Variants in NEMP2 observed in about 807,000 individuals in gnomAD.
NEMP2 encodes the protein UPF0571 transmembrane protein.
Under a neutral mutation model 54.2 loss-of-function variants are expected in NEMP2, and 53 were observed. That is an observed-to-expected ratio of 0.98 (90% confidence interval 0.78 to 1.23). NEMP2 has a LOEUF of 1.23. Among genes scored for constraint, NEMP2 ranks in the 50% most tolerant of loss-of-function variants. NEMP2 has a pLI of 0.00. For missense variants in NEMP2, 455 were observed against 511.3 expected, an observed-to-expected ratio of 0.89 and a Z score of 1.06; for synonymous variants, 197 against 190.3, an observed-to-expected ratio of 1.04 and a Z score of -0.29.
chr2:190,647,724 T>TTC, the NEMP2 span, among the ~76,000 whole-genome samples: 2 of 146,228 alleles, frequency 1.4e-5, no homozygotes, highest in African/African-American at 2.5e-5. Context: ...TTTTTTTTTT[T>TTC]TTTTTTTGAG....
At chr2:190,453,313 T>C in the NEMP2 span, among the ~76,000 whole-genome samples, 1 of 152,002 alleles carries the variant, frequency 6.6e-6, no homozygotes, top group African/African-American at 2.4e-5. Flanking sequence ...AAGAGGATCC[T>C]GGAGTTTGGA....
At chr2:190,617,343 T>C in the NEMP2 span, among the ~76,000 whole-genome samples, 1 of 152,120 alleles carries the variant, frequency 6.6e-6, no homozygotes, top group African/African-American at 2.4e-5. The surrounding 1 kb of genome is among the most constrained non-coding windows in gnomAD (Gnocchi z 5.0). Context: ...CTGAGAAGTA[T>C]TCTTGAAAAG....
At chr2:190,430,513 G>C in the NEMP2 span, among the ~76,000 whole-genome samples, 2 of 151,950 alleles carry the variant, frequency 1.3e-5, no homozygotes, top group East Asian at 3.9e-4. Context: ...AGAGAGCACA[G>C]GGTTGGGGGT....
At chr2:190,458,516 A>G in the NEMP2 span, among the ~76,000 whole-genome samples, 2 of 152,166 alleles carry the variant, frequency 1.3e-5, no homozygotes, top group Non-Finnish European at 2.9e-5. The surrounding 1 kb of genome is among the most constrained non-coding windows in gnomAD (Gnocchi z 5.3). Flanking sequence ...GAAGCCACCC[A>G]GTCTGTGGTA....
the NEMP2 span, among the ~76,000 whole-genome samples, chr2:190,624,094 G>A: frequency 1.3e-5 from 2 of 152,120 alleles, no homozygotes; most frequent in Non-Finnish European, 2.9e-5. Flanking sequence ...ACAAGCCTGA[G>A]CAACATAGTG....
intron 7 of NEMP2, among the ~76,000 whole-genome samples, chr2:190,511,472 G>A (rs888192763): frequency 1.3e-5 from 2 of 151,444 alleles, no homozygotes; most frequent in Non-Finnish European, 2.9e-5. Flanking sequence ...AAAAATTTAG[G>A]AATCTAAGAC....
the NEMP2 span, among the ~76,000 whole-genome samples, chr2:190,605,477 C>T: frequency 6.6e-6 from 1 of 152,080 alleles, no homozygotes; most frequent in African/African-American, 2.4e-5. Flanking sequence ...CAGGTTCAAG[C>T]AATTCTCCTG....
the NEMP2 span, among the ~76,000 whole-genome samples, chr2:190,635,536 A>G: frequency 2.0e-5 from 3 of 152,292 alleles, no homozygotes; most frequent in African/African-American, 7.2e-5. This position sits in a 1 kb window ranked among gnomAD's most constrained non-coding sequence, Gnocchi z 4.1. Context: ...ATTTTTGGTC[A>G]ACTTGATCAA....
chr2:190,454,838 G>A, the NEMP2 span, among the ~76,000 whole-genome samples: 4 of 152,082 alleles, frequency 2.6e-5, no homozygotes, highest in African/African-American at 9.7e-5. This position sits in a 1 kb window ranked among gnomAD's most constrained non-coding sequence, Gnocchi z 4.6. Context: ...ACTAGAATAG[G>A]GACCTATGGC....
chr2:190,593,582 G>T, the NEMP2 span, among the ~76,000 whole-genome samples: 1 of 152,118 alleles, frequency 6.6e-6, no homozygotes. This position sits in a 1 kb window ranked among gnomAD's most constrained non-coding sequence, Gnocchi z 4.5. Context: ...CTGTGCTTAG[G>T]CATAAGATCA....
chr2:190,608,098 C>T, the NEMP2 span: 2 of 152,222 alleles, frequency 1.3e-5, no homozygotes, highest in Non-Finnish European at 2.9e-5. This position sits in a 1 kb window ranked among gnomAD's most constrained non-coding sequence, Gnocchi z 4.9. Flanking sequence ...CTGTCCCACC[C>T]AGGATGTGAA....
the NEMP2 span, among the ~76,000 whole-genome samples, chr2:190,579,829 C>T: frequency 1.1e-4 from 16 of 152,334 alleles, no homozygotes; most frequent in South Asian, 2.9e-3. Context: ...ATGAGAGATC[C>T]AGTCCAACTT....
chr2:190,449,575 T>C, the NEMP2 span, among the ~76,000 whole-genome samples: 3 of 152,176 alleles, frequency 2.0e-5, no homozygotes, highest in Admixed American at 1.3e-4. Flanking sequence ...CATATGTTTA[T>C]TGCGGCACTA....
chr2:190,466,364 A>C, the NEMP2 span, among the ~76,000 whole-genome samples: 1 of 152,216 alleles, frequency 6.6e-6, no homozygotes, highest in African/African-American at 2.4e-5. Context: ...TATTCAGTAA[A>C]TATACGTGTA....
chr2:190,565,261 A>C, the NEMP2 span, among the ~76,000 whole-genome samples: 1 of 152,138 alleles, frequency 6.6e-6, no homozygotes, highest in Non-Finnish European at 1.5e-5. Context: ...CAATCAAATG[A>C]ATTGCAAGTC....
chr2:190,454,930 C>CTGTATG, the NEMP2 span, among the ~76,000 whole-genome samples: 2 of 120,550 alleles, frequency 1.7e-5, no homozygotes, highest in Non-Finnish European at 3.2e-5. This position sits in a 1 kb window ranked among gnomAD's most constrained non-coding sequence, Gnocchi z 4.6. Flanking sequence ...TTCCTGGTTT[C>CTGTATG]TGTATGTATA....
chr2:190,452,921 G>A, the NEMP2 span, among the ~76,000 whole-genome samples: 1 of 152,116 alleles, frequency 6.6e-6, no homozygotes, highest in Non-Finnish European at 1.5e-5. Context: ...TATCATTTAG[G>A]AAGAATTAAT....
the NEMP2 span, chr2:190,437,163 C>T: frequency 1.9e-6 from 3 of 1,614,244 alleles, no homozygotes; most frequent in Non-Finnish European, 2.5e-6. The surrounding 1 kb of genome is among the most constrained non-coding windows in gnomAD (Gnocchi z 5.9). Context: ...TCGGCGTTCT[C>T]ATGACCATGG....
chr2:190,611,667 C>T, the NEMP2 span, among the ~76,000 whole-genome samples: 1 of 152,206 alleles, frequency 6.6e-6, no homozygotes, highest in Non-Finnish European at 1.5e-5. The surrounding 1 kb of genome is among the most constrained non-coding windows in gnomAD (Gnocchi z 5.4). Context: ...CAACTTAAAA[C>T]AGTCCTTTAA....
Sources: allele counts gnomAD v4.1 joint callset (sites outside exome capture counted in the v4.1 genomes callset), GRCh38; gene constraint gnomAD v4.1.1; non-coding constraint Gnocchi (gnomAD v3.1); transcripts MANE v1.5; gene names NCBI Gene and HGNC (gene_info 2026-07-23, HGNC 2026-07-21).